Variants in SERPINC1 observed in about 807,000 individuals in gnomAD.
The protein encoded by SERPINC1 is serpin family C member 1.
SERPINC1 carries 12 observed loss-of-function variants against 43.4 expected under a neutral mutation model. The observed-to-expected ratio is 0.28, with a 90% CI of 0.18 to 0.45. The LOEUF is 0.45. Ranked by LOEUF, SERPINC1 falls within the 20% of genes least tolerant of loss-of-function variation. The pLI is 1.00. For synonymous variants in SERPINC1, 210 were observed against 218.9 expected (o/e 0.96, Z 0.36); for missense variants, 423 against 578.8 (o/e 0.73, Z 2.76).
At position 173,914,694 on chromosome 1, in the gene SERPINC1, G is replaced by A; in HGVS notation, c.267C>T (p.Arg89=). 3 of 1,614,238 alleles carry A rather than the reference G, an allele frequency of 1.9e-6. No individual in the cohort carries two copies. Among genetic ancestry groups the A allele is most frequent in the Non-Finnish European group, 2.5e-6 (3 of 1,180,042 alleles). The change falls in exon 2 of 7, where the codon CGC becomes CGT. Residue 89 remains arginine (R), a synonymous_variant. Transcript: ENST00000367698. ...GGTGCTGATAGAAAGTGGTAGCAAA[G>A]CGGGAATTGGCCTTGGACAGTTCCC... ...RVWELSKANS[R]FATTFYQHLA... is the part of the protein sequence containing the mutation.
chr1:173,915,231 T>C, intron 1 of SERPINC1: 1 of 1,240,426 alleles, frequency 8.1e-7, no homozygotes, highest in Non-Finnish European at 1.0e-6. Context: ...TGACATGGAA[T>C]GTGCATGCCT....
At chr1:173,910,660 T>A (rs909184168) in intron 4 of SERPINC1, 94 bp downstream of exon 4, 6 of 1,230,844 alleles carry the variant, frequency 4.9e-6, no homozygotes, top group Non-Finnish European at 5.9e-6. Context: ...CCATTTGCCC[T>A]CTCAGGGCTT....
Position 173,909,946 on chromosome 1 carries a change from GA to G in SERPINC1, c.763-5del. 6.2e-7 allele frequency: 1 copy of G among 1,613,980 alleles called. No individual in the cohort carries two copies. Among genetic ancestry groups the G allele is most frequent in the African/African-American group, 1.3e-5 (1 of 75,044 alleles). ...TGAACTTTGACTTCCACAGGCCCTG[GA>G]AGAGAATCACAAAGTAAGAACACAA... On this transcript the variant is annotated splice_polypyrimidine_tract_variant and splice_region_variant and intron_variant, in intron 4 of 6. Coordinates refer to ENST00000367698, the MANE Select transcript of SERPINC1 (RefSeq NM_000488.4).
chr1:173,905,891 T>C (rs1208829736), intron 6 of SERPINC1, among the ~76,000 whole-genome samples: 1 of 152,148 alleles, frequency 6.6e-6, no homozygotes, highest in Non-Finnish European at 1.5e-5. Flanking sequence ...ATTAATAGCA[T>C]CCTTTTCTCA....
chr1:173,904,745 C>T (rs1657417836), intron 6 of SERPINC1, among the ~76,000 whole-genome samples: 1 of 152,124 alleles, frequency 6.6e-6, no homozygotes, highest in Admixed American at 6.5e-5. Context: ...CTTCTCCTTC[C>T]TTCTCACTCT....
At chr1:173,916,465 G>T (rs911277848) in intron 1 of SERPINC1, among the ~76,000 whole-genome samples, 1 of 152,218 alleles carries the variant, frequency 6.6e-6, no homozygotes, top group African/African-American at 2.4e-5. Flanking sequence ...GTGCAAAGCC[G>T]GAGAGAAGCA....
intron 2 of SERPINC1, among the ~76,000 whole-genome samples, chr1:173,913,850 G>A (rs374456340): frequency 2.8e-4 from 37 of 133,276 alleles, no homozygotes; most frequent in Admixed American, 1.8e-3. Context: ...GCGAGACTCC[G>A]TCTCAAAAAA....
chr1:173,909,575 C>T lies in SERPINC1; in HGVS notation c.1130G>A (p.Ser377Asn). The T allele has an allele frequency of 3.1e-6, 5 of 1,613,976 alleles. No individual in the cohort carries two copies. Among genetic ancestry groups the T allele is most frequent in the Non-Finnish European group, 4.2e-6 (5 of 1,180,044 alleles). ...ACCTGGGAGTTTGGACTTTTCAGGG[C>T]TGAACAGATCGACAAGGCCCATGTC... ...LQDMGLVDLF[S>N]PEKSKLPGIV... Residue 377 changes from serine (S) to asparagine (N), a missense_variant, in exon 5 of 7, where the codon AGC (serine) becomes AAC (asparagine). By Grantham distance (46) the Ser-to-Asn change is conservative. Coordinates refer to ENST00000367698, the MANE Select transcript of SERPINC1 (RefSeq NM_000488.4).
Position 173,910,897 on chromosome 1 carries a change from G to T in SERPINC1, c.625-6C>A, listed in dbSNP as rs543358196. ...CTGGATTGCTCTGCATTTTCCTGAGGAGAACAGAAAATAAACCTACTCACC... is the reference window on the plus strand; with the variant it reads ...CTGGATTGCTCTGCATTTTCCTGAGTAGAACAGAAAATAAACCTACTCACC... On this transcript the variant is annotated splice_polypyrimidine_tract_variant and splice_region_variant and intron_variant, in intron 3 of 6. Coordinates refer to ENST00000367698, the MANE Select transcript of SERPINC1 (RefSeq NM_000488.4). 6.2e-7 allele frequency: 1 copy of T among 1,614,120 alleles called. No homozygotes were observed. The highest frequency in any genetic ancestry group is 1.7e-5 in the Admixed American group (1 of 60,016).
chr1:173,903,904 G>T lies in SERPINC1; in HGVS notation c.1380C>A (p.Asn460Lys). 6.2e-7 allele frequency: 1 copy of T among 1,614,094 alleles called. No individual in the cohort carries two copies. The highest frequency in any genetic ancestry group is 2.2e-5 in the East Asian group (1 of 44,878). Residue 460 changes from asparagine (N) to lysine (K), a missense_variant, in exon 7 of 7, where the codon AAC (asparagine) becomes AAA (lysine). Transcript: ENST00000367698. Reference sequence around the variant, plus strand: ...TAAGAACATTTTACTTAACACAAGGGTTGGCTACTCTGCCCATGAAGATAA... The same window carrying T: ...TAAGAACATTTTACTTAACACAAGGTTTGGCTACTCTGCCCATGAAGATAA... Reference protein sequence around the residue: ...NTIIFMGRVANPCVK With the variant: ...NTIIFMGRVAKPCVK
chr1:173,909,727 C>T lies in SERPINC1; in HGVS notation c.978G>A (p.Lys326=), dbSNP rs1266102686. The part of the protein sequence containing the change: ...ILPKPEKSLA[K]VEKELTPEVL... ...CCTCTGGGGTGAGTTCCTTCTCTAC[C>T]TTGGCCAGGCTCTTCTCAGGCTTGG... is the stretch of plus-strand genomic sequence containing the variant. The change falls in exon 5 of 7, where the codon AAG becomes AAA. Residue 326 remains lysine, a synonymous_variant. Transcript: ENST00000367698. 2.5e-6 allele frequency: 4 copies of T among 1,614,050 alleles called. No individual in the cohort carries two copies. In the South Asian group the frequency reaches 3.3e-5, roughly 13 times the overall value.
intron 1 of SERPINC1, 135 bp downstream of exon 1, chr1:173,917,084 C>G (rs1658023521): frequency 1.3e-6 from 1 of 792,200 alleles, no homozygotes; most frequent in East Asian, 2.5e-5. Context: ...ATGACGTCTT[C>G]CAAACAGGTC....
At chr1:173,906,466 G>A (rs137976284) in intron 6 of SERPINC1, among the ~76,000 whole-genome samples, 51 of 152,156 alleles carry the variant, frequency 3.4e-4, no homozygotes, top group African/African-American at 1.0e-3. Context: ...CCACCTTTTC[G>A]TTTCCTCCAG....
chr1:173,907,333 G>T, intron 6 of SERPINC1, 117 bp downstream of exon 6: 1 of 809,234 alleles, frequency 1.2e-6, no homozygotes, highest in Non-Finnish European at 2.2e-6. Flanking sequence ...CTGTATTATA[G>T]CAGGCCTGTG....
intron 1 of SERPINC1, among the ~76,000 whole-genome samples, chr1:173,916,808 G>A (rs1658009105): frequency 6.6e-6 from 1 of 152,198 alleles, no homozygotes; most frequent in Non-Finnish European, 1.5e-5. Flanking sequence ...ATTTGGGTGG[G>A]GGTGGAGTGG....
intron 1 of SERPINC1, 31 bp from the exon 2 acceptor site, chr1:173,914,950 A>C: frequency 1.9e-6 from 3 of 1,605,048 alleles, no homozygotes; most frequent in Non-Finnish European, 2.5e-6. Flanking sequence ...AAGTTAAGCT[A>C]GGCTGCAACC....
intron 4 of SERPINC1, among the ~76,000 whole-genome samples, chr1:173,910,229 A>G (rs537368887): frequency 5.9e-5 from 9 of 152,314 alleles, no homozygotes; most frequent in Non-Finnish European, 5.9e-5. Flanking sequence ...CTAAGAAGAA[A>G]TGAGTGACAA....
intron 1 of SERPINC1, chr1:173,915,150 A>C: frequency 7.0e-7 from 1 of 1,419,620 alleles, no homozygotes; most frequent in South Asian, 1.5e-5. Flanking sequence ...GAATCATCTG[A>C]TGGTTATTTG....
intron 6 of SERPINC1, among the ~76,000 whole-genome samples, chr1:173,905,082 C>T (rs561959636): frequency 6.6e-6 from 1 of 152,222 alleles, no homozygotes; most frequent in East Asian, 1.9e-4. Flanking sequence ...AACTCAGACC[C>T]CTCAAGGAGG....
Sources: gnomAD v4.1 joint callset for allele counts (sites outside exome capture counted in the v4.1 genomes callset) on GRCh38, gnomAD v4.1.1 for gene constraint, MANE v1.5 for transcripts, NCBI Gene and HGNC (gene_info 2026-07-23, HGNC 2026-07-21) for gene names.